The following DOCK1 variants were observed in gnomAD, a reference collection of about 807,000 sequenced individuals.
The protein encoded by DOCK1 is dedicator of cytokinesis protein 1.
DOCK1 carries 138 observed loss-of-function variants against 262.7 expected under a neutral mutation model. The observed-to-expected ratio is 0.53, with a 90% CI of 0.46 to 0.61. DOCK1 has a LOEUF of 0.61. Among genes scored for constraint, DOCK1 ranks in the 20% least tolerant of loss-of-function variants. DOCK1 has a pLI of 0.00. For missense variants in DOCK1, 1,908 were observed against 2,370.7 expected (o/e 0.80, Z 4.05); for synonymous variants, 866 against 867.4 (o/e 1.00, Z 0.03).
rs1413687539 is a variant in DOCK1 at position 127,125,543 on chromosome 10, T to A, written c.2693T>A (p.Leu898Gln). 15 of 1,613,868 alleles carry A rather than the reference T, an allele frequency of 9.3e-6. 1 individual carries two copies. The South Asian group carries it at 1.6e-4, about 18-fold the overall frequency. The change falls in exon 26 of 52, where the codon CTG (leucine) becomes CAG (glutamine). Residue 898 changes from leucine to glutamine, a missense_variant. Leu to Gln is a moderately radical substitution (Grantham distance 113, BLOSUM62 -2). Coordinates refer to ENST00000623213, the MANE Select transcript of DOCK1 (RefSeq NM_001290223.2). ...TACCATCTGGAGAGACAGGAGGACCTGGAGGCCTGCTGTCAGCTGCTCAGC... is the reference window on the plus strand; with the variant it reads ...TACCATCTGGAGAGACAGGAGGACCAGGAGGCCTGCTGTCAGCTGCTCAGC... ...LKYHLERQED[L>Q]EACCQLLSHI... is the part of the protein sequence containing the mutation.
intron 29 of DOCK1, among the ~76,000 whole-genome samples, chr10:127,302,268 G>A (rs975110599): frequency 6.6e-6 from 1 of 152,114 alleles, no homozygotes; most frequent in East Asian, 1.9e-4. Flanking sequence ...TGTTGGGGAG[G>A]TAGGAAGGTC....
intron 1 of DOCK1, among the ~76,000 whole-genome samples, chr10:126,949,919 A>G (rs2036046047): frequency 6.6e-6 from 1 of 151,866 alleles, no homozygotes; most frequent in Admixed American, 6.6e-5. Flanking sequence ...TAGAGTGTGG[A>G]GCCGCGTGTT....
At chr10:127,426,138 G>T in intron 47 of DOCK1, 127 bp downstream of exon 47, 1 of 1,491,714 alleles carries the variant, frequency 6.7e-7, no homozygotes. Context: ...GAAGTGGGAT[G>T]TGAGGGAGCT....
chr10:126,998,059 T>G lies in DOCK1; in HGVS notation c.610-33T>G, dbSNP rs754629798. 3 of 1,612,342 alleles carry G rather than the reference T, an allele frequency of 1.9e-6. No homozygotes were observed. In the South Asian group the frequency reaches 3.3e-5, roughly 18 times the overall value. On this transcript the variant is annotated intron_variant, in intron 7 of 51. Transcript: ENST00000623213. The stretch of plus-strand genomic sequence containing the variant: ...AGCAAGTGTCAGTGATGAGTGTTGC[T>G]GGGGTTGACTTTCTGTTTCCTTCCA...
intron 3 of DOCK1, among the ~76,000 whole-genome samples, chr10:126,979,299 T>C (rs1239446772): frequency 2.0e-5 from 3 of 152,098 alleles, no homozygotes; most frequent in African/African-American, 2.4e-5. Context: ...AGTGGGAGGA[T>C]TGCTTGAGCT....
At chr10:127,009,312 T>C (rs570764764) in intron 11 of DOCK1, among the ~76,000 whole-genome samples, 31 of 152,332 alleles carry the variant, frequency 2.0e-4, no homozygotes, top group African/African-American at 7.0e-4. Flanking sequence ...TTTTTAGGCT[T>C]TCTCTAGTTC....
chr10:126,922,209 CAAAAAAAAAAAA>C (rs1213635501), intron 1 of DOCK1, among the ~76,000 whole-genome samples: 1 of 63,942 alleles, frequency 1.6e-5, no homozygotes, highest in African/African-American at 6.2e-5. Context: ...GACCCTGTAT[CAAAAAAAAAAAA>C]AAAAAAAAAA....
chr10:127,382,077 A>G (rs2134110494), intron 37 of DOCK1, among the ~76,000 whole-genome samples: 1 of 152,348 alleles, frequency 6.6e-6, no homozygotes, highest in Non-Finnish European at 1.5e-5. Flanking sequence ...TGACATCCTT[A>G]TAAAAATTTG....
At position 127,110,360 on chromosome 10, in the gene DOCK1, T is replaced by C. The variant is rs768559008; in HGVS notation, c.2623+6T>C. The C allele has an allele frequency of 2.1e-5, 34 of 1,605,536 alleles. No individual in the cohort carries two copies. Among genetic ancestry groups the C allele is most frequent in the Non-Finnish European group, 2.2e-5 (26 of 1,174,246 alleles). ...TGACCTCTTCACACAGCATGGTGAG[T>C]GGAACCCCAAGAATTATTCACTTGT... On this transcript the variant is annotated splice_donor_region_variant and intron_variant, in intron 25 of 51. Transcript: ENST00000623213.
intron 10 of DOCK1, among the ~76,000 whole-genome samples, chr10:127,002,454 C>T (rs927831196): frequency 1.4e-4 from 21 of 152,070 alleles, no homozygotes; most frequent in African/African-American, 4.3e-4. Flanking sequence ...GGTTGATATT[C>T]CAGGAAAGTC....
intron 12 of DOCK1, among the ~76,000 whole-genome samples, chr10:127,017,274 G>GACAC (rs1554973958): frequency 1.1e-5 from 1 of 90,582 alleles, no homozygotes; most frequent in Non-Finnish European, 2.3e-5. Flanking sequence ...TATACATATA[G>GACAC]ACACACACAG....
At chr10:127,387,779 G>A (rs1431112028) in intron 38 of DOCK1, among the ~76,000 whole-genome samples, 4 of 152,078 alleles carry the variant, frequency 2.6e-5, no homozygotes, top group African/African-American at 4.8e-5. Context: ...GCATTTAACA[G>A]TGCTTCCTGA....
chr10:127,061,098 G>A (rs1362113867), intron 22 of DOCK1, among the ~76,000 whole-genome samples: 2 of 152,072 alleles, frequency 1.3e-5, no homozygotes, highest in Non-Finnish European at 2.9e-5. Flanking sequence ...CATGGTGGTG[G>A]CCACCTGTAA....
At chr10:127,193,832 G>A (rs139115150) in intron 27 of DOCK1, among the ~76,000 whole-genome samples, 24 of 152,304 alleles carry the variant, frequency 1.6e-4, no homozygotes, top group African/African-American at 5.5e-4. Context: ...GCAAAACAGA[G>A]AAGCCCCCGA....
chr10:127,395,945 T>C (rs115774068), intron 38 of DOCK1, among the ~76,000 whole-genome samples: 4,105 of 152,272 alleles, frequency 0.027, 179 homozygotes, highest in African/African-American at 0.093. Context: ...GGTCCTTTCA[T>C]CCTTTCAGCA....
At chr10:127,058,989 C>T (rs1261803328) in intron 22 of DOCK1, among the ~76,000 whole-genome samples, 1 of 152,036 alleles carries the variant, frequency 6.6e-6, no homozygotes, top group East Asian at 1.9e-4. Context: ...AAAGAACTCA[C>T]TTGTATTATT....
intron 46 of DOCK1, among the ~76,000 whole-genome samples, chr10:127,420,884 A>G (rs181191174): frequency 1.4e-4 from 20 of 141,392 alleles, no homozygotes; most frequent in African/African-American, 5.3e-4. Context: ...CTTATGAGAC[A>G]TCACCGTGAG....
chr10:127,092,902 G>C (rs981123881), intron 23 of DOCK1, among the ~76,000 whole-genome samples: 1 of 152,182 alleles, frequency 6.6e-6, no homozygotes, highest in Admixed American at 6.5e-5. Flanking sequence ...CTCATGGGGT[G>C]GGGTGATGTA....
chr10:127,294,009 C>T (rs1279617343), intron 29 of DOCK1, among the ~76,000 whole-genome samples: 3 of 152,138 alleles, frequency 2.0e-5, no homozygotes, highest in African/African-American at 4.8e-5. Flanking sequence ...TGAAGCCACC[C>T]GGAGCACACC....
Sources: gnomAD v4.1 joint callset for allele counts (sites outside exome capture counted in the v4.1 genomes callset) on GRCh38, gnomAD v4.1.1 for gene constraint, MANE v1.5 for transcripts, NCBI Gene and HGNC (gene_info 2026-07-23, HGNC 2026-07-21) for gene names.